EPHA7: variants seen among roughly 807,000 people sequenced by gnomAD.
The protein encoded by EPHA7 is EPH receptor A7, also known as ephrin type-A receptor 7.
A neutral mutation model predicts 112.6 loss-of-function variants in EPHA7; 25 were observed. The observed-to-expected ratio is 0.22, with a 90% CI of 0.16 to 0.31. EPHA7 has a LOEUF of 0.31. EPHA7 is among the 10% of genes least tolerant of loss of function. EPHA7 has a pLI of 1.00. For missense variants in EPHA7, 962 were observed against 1,212.6 expected (o/e 0.79, Z 3.07); for synonymous variants, 437 against 406.5 (o/e 1.07, Z -0.90).
At chr6:93,367,397 A>G (rs1218144668) in intron 3 of EPHA7, among the ~76,000 whole-genome samples, 1 of 152,188 alleles carries the variant, frequency 6.6e-6, no homozygotes, top group Non-Finnish European at 1.5e-5. Context: ...CTACTGAGAA[A>G]GGTCAGAGAG....
chr6:93,389,847 C>A, intron 3 of EPHA7, among the ~76,000 whole-genome samples: 1 of 151,836 alleles, frequency 6.6e-6, no homozygotes, highest in East Asian at 1.9e-4. Flanking sequence ...AACTTTCTTA[C>A]AGAATAAAAC....
chr6:93,300,178 C>T (rs1014204365), intron 5 of EPHA7, among the ~76,000 whole-genome samples: 10 of 151,970 alleles, frequency 6.6e-5, no homozygotes, highest in East Asian at 1.9e-4. Context: ...TTGTTTCTCA[C>T]GTGAGAAGCA....
intron 5 of EPHA7, among the ~76,000 whole-genome samples, chr6:93,310,496 C>T (rs1307159551): frequency 6.6e-6 from 1 of 152,028 alleles, no homozygotes; most frequent in Non-Finnish European, 1.5e-5. Flanking sequence ...GAAATTGCGT[C>T]TCTATTAAAA....
intron 5 of EPHA7, among the ~76,000 whole-genome samples, chr6:93,301,230 T>A (rs562149322): frequency 3.9e-5 from 6 of 152,314 alleles, no homozygotes; most frequent in African/African-American, 7.2e-5. Context: ...TTCTTTTTTT[T>A]AAAATTGATA....
intron 5 of EPHA7, among the ~76,000 whole-genome samples, chr6:93,304,429 C>T (rs1773149898): frequency 3.3e-5 from 5 of 152,004 alleles, no homozygotes; most frequent in Admixed American, 3.3e-4. Flanking sequence ...TTTATCTGTT[C>T]TGCTCCAGCC....
chr6:93,322,839 A>T (rs566081944), intron 5 of EPHA7, among the ~76,000 whole-genome samples: 10 of 151,686 alleles, frequency 6.6e-5, no homozygotes, highest in South Asian at 6.2e-4. Flanking sequence ...AGTTTTACAG[A>T]TTCAGGGAGC....
chr6:93,364,252 G>A (rs558623099), intron 3 of EPHA7, among the ~76,000 whole-genome samples: 5 of 152,002 alleles, frequency 3.3e-5, no homozygotes, highest in South Asian at 4.2e-4. Flanking sequence ...GGCCGGGCAC[G>A]GTGGCTCATG....
chr6:93,318,900 G>A (rs1190355435), intron 5 of EPHA7, among the ~76,000 whole-genome samples: 1 of 151,928 alleles, frequency 6.6e-6, no homozygotes, highest in African/African-American at 2.4e-5. Context: ...GAATTTTTCT[G>A]GCATTTCAAC....
chr6:93,396,117 TCA>T (rs1778159836), intron 3 of EPHA7, among the ~76,000 whole-genome samples: 1 of 151,896 alleles, frequency 6.6e-6, no homozygotes, highest in African/African-American at 2.4e-5. Context: ...ACTATTTATC[TCA>T]GTTTCCCAAT....
At chr6:93,370,872 G>A (rs769757188) in intron 3 of EPHA7, among the ~76,000 whole-genome samples, 2 of 151,964 alleles carry the variant, frequency 1.3e-5, no homozygotes, top group East Asian at 1.9e-4. Context: ...TCGGCAAGGC[G>A]CGGTGGCTCA....
At chr6:93,382,556 T>A (rs1777389888) in intron 3 of EPHA7, among the ~76,000 whole-genome samples, 3 of 152,184 alleles carry the variant, frequency 2.0e-5, no homozygotes, top group African/African-American at 7.2e-5. Flanking sequence ...AATAAACTTT[T>A]ATTCACTCTG....
At chr6:93,345,186 G>T (rs188988211) in intron 5 of EPHA7, among the ~76,000 whole-genome samples, 4 of 151,776 alleles carry the variant, frequency 2.6e-5, no homozygotes, top group Non-Finnish European at 5.9e-5. Flanking sequence ...TAATACAATA[G>T]TGATATGGCT....
chr6:93,305,575 A>G (rs904105163), intron 5 of EPHA7, among the ~76,000 whole-genome samples: 1 of 151,954 alleles, frequency 6.6e-6, no homozygotes, highest in African/African-American at 2.4e-5. Flanking sequence ...GTATTTACCA[A>G]CAACTAGTGA....
At chr6:93,418,678 C>T (rs190895462) in intron 1 of EPHA7, among the ~76,000 whole-genome samples, 103 of 152,308 alleles carry the variant, frequency 6.8e-4, no homozygotes, top group African/African-American at 2.4e-3. Context: ...GAGCGCCAAC[C>T]GCAGGACCGC....
intron 5 of EPHA7, among the ~76,000 whole-genome samples, chr6:93,329,391 T>C (rs1416550481): frequency 6.6e-6 from 1 of 151,464 alleles, no homozygotes; most frequent in East Asian, 1.9e-4. Context: ...AGCCAGATTA[T>C]AAGCAATATT....
At chr6:93,375,333 A>G (rs970704102) in intron 3 of EPHA7, among the ~76,000 whole-genome samples, 1 of 152,024 alleles carries the variant, frequency 6.6e-6, no homozygotes, top group Non-Finnish European at 1.5e-5. Context: ...AAACTCAGAG[A>G]GGCCAAGCAT....
chr6:93,258,615 A>C (rs976463343), intron 10 of EPHA7, among the ~76,000 whole-genome samples: 7 of 150,142 alleles, frequency 4.7e-5, no homozygotes, highest in South Asian at 2.1e-4. Context: ...GAATTAACCA[A>C]CACTCAGGGT....
At chr6:93,337,151 G>A (rs879609882) in intron 5 of EPHA7, among the ~76,000 whole-genome samples, 2 of 152,112 alleles carry the variant, frequency 1.3e-5, no homozygotes, top group Admixed American at 1.3e-4. Context: ...GCAATTCAAA[G>A]TTCCACTTTT....
intron 5 of EPHA7, among the ~76,000 whole-genome samples, chr6:93,311,408 C>T (rs760425469): frequency 6.6e-6 from 1 of 152,036 alleles, no homozygotes. Context: ...AAAGAGTCTC[C>T]ATGAAGACAA....
Sources: allele counts gnomAD v4.1 joint callset (sites outside exome capture counted in the v4.1 genomes callset), GRCh38; gene constraint gnomAD v4.1.1; transcripts MANE v1.5; gene names NCBI Gene and HGNC (gene_info 2026-07-23, HGNC 2026-07-21).